The following GRXCR1 variants were observed in gnomAD, a reference collection of about 807,000 sequenced individuals.
The protein encoded by GRXCR1 is glutaredoxin domain-containing cysteine-rich protein 1.
GRXCR1 carries 27 observed loss-of-function variants against 27.3 expected under a neutral mutation model. That is an observed-to-expected ratio of 0.99 (90% confidence interval 0.73 to 1.37). GRXCR1 has a LOEUF of 1.37. GRXCR1 is among the 40% of genes most tolerant of loss of function. The probability of loss-of-function intolerance (pLI) is 0.00; values close to 1 mark genes in which losing one functional copy is unlikely to be tolerated. For synonymous variants in GRXCR1, 122 were observed against 131.1 expected (o/e 0.93, Z 0.47); for missense variants, 379 against 354.4 (o/e 1.07, Z -0.56).
chr4:42,952,753 G>C (rs1314046631), intron 1 of GRXCR1, among the ~76,000 whole-genome samples: 3 of 152,132 alleles, frequency 2.0e-5, no homozygotes, highest in Non-Finnish European at 4.4e-5. Flanking sequence ...CAAAGGAGCA[G>C]TTGATCAGCT....
chr4:42,963,665 G>A (rs1379004391), intron 2 of GRXCR1, among the ~76,000 whole-genome samples: 2 of 151,898 alleles, frequency 1.3e-5, no homozygotes, highest in Non-Finnish European at 2.9e-5. Context: ...CTTACGGTAA[G>A]CAGAGAGAAC....
intron 2 of GRXCR1, among the ~76,000 whole-genome samples, chr4:43,003,106 T>C (rs1395524814): frequency 6.6e-6 from 1 of 152,156 alleles, no homozygotes; most frequent in Non-Finnish European, 1.5e-5. Context: ...GATTGTAAGT[T>C]TTTTGAGGCC....
chr4:42,973,778 T>C (rs901349949), intron 2 of GRXCR1, among the ~76,000 whole-genome samples: 1 of 152,156 alleles, frequency 6.6e-6, no homozygotes, highest in Non-Finnish European at 1.5e-5. Flanking sequence ...GATGGATAGG[T>C]TATTTGATCC....
intron 2 of GRXCR1, among the ~76,000 whole-genome samples, chr4:43,001,539 T>C (rs893039259): frequency 3.3e-5 from 5 of 152,164 alleles, no homozygotes; most frequent in African/African-American, 7.2e-5. Context: ...ATGTTTTTAT[T>C]TGTACTCGTA....
rs78766145 is a variant in GRXCR1, at chr4:42,957,149, T to C, written c.385-5743T>C. On this transcript the variant is annotated intron_variant, in intron 1 of 3. Coordinates refer to ENST00000399770, the MANE Select transcript of GRXCR1 (RefSeq NM_001080476.3). ...CTCTACCTAATTTCTTTGTTAACTTTTATTCTCCCAACTTAACCTCAAATA... is the reference window on the plus strand; with the variant it reads ...CTCTACCTAATTTCTTTGTTAACTTCTATTCTCCCAACTTAACCTCAAATA... Among the ~76,000 whole-genome samples the C allele has an allele frequency of 7.2e-3, 1,090 of 152,218 alleles. 12 individuals carry two copies. Among genetic ancestry groups the C allele is most frequent in the African/African-American group, 0.024 (1,007 of 41,566 alleles).
chr4:42,938,423 T>G (rs533480824), intron 1 of GRXCR1, among the ~76,000 whole-genome samples: 3 of 152,096 alleles, frequency 2.0e-5, no homozygotes, highest in East Asian at 3.9e-4. Context: ...ATATACAGAT[T>G]TGCTTTCTTT....
chr4:42,959,790 G>A (rs1577921278), intron 1 of GRXCR1, among the ~76,000 whole-genome samples: 1 of 151,762 alleles, frequency 6.6e-6, no homozygotes, highest in East Asian at 1.9e-4. Flanking sequence ...CTAGAACTTG[G>A]CTCTACATTA....
At chr4:43,009,851 T>C (rs1361837881) in intron 2 of GRXCR1, among the ~76,000 whole-genome samples, 1 of 152,212 alleles carries the variant, frequency 6.6e-6, no homozygotes, top group Non-Finnish European at 1.5e-5. Context: ...TACATTTCTC[T>C]ATATATATTT....
intron 2 of GRXCR1, among the ~76,000 whole-genome samples, chr4:42,975,291 C>T (rs1748487555): frequency 6.6e-6 from 1 of 152,072 alleles, no homozygotes; most frequent in Non-Finnish European, 1.5e-5. Context: ...CTCTGTGCCT[C>T]ATGAAAGCAA....
chr4:42,927,024 A>G (rs1456601093), intron 1 of GRXCR1, among the ~76,000 whole-genome samples: 1 of 151,984 alleles, frequency 6.6e-6, no homozygotes, highest in Non-Finnish European at 1.5e-5. Flanking sequence ...CCATCACCCA[A>G]ATCATTATTA....
At chr4:42,894,816 C>T (rs987631086) in intron 1 of GRXCR1, among the ~76,000 whole-genome samples, 2 of 152,008 alleles carry the variant, frequency 1.3e-5, no homozygotes, top group South Asian at 2.1e-4. Flanking sequence ...GTTTCAGTTT[C>T]TAGAGATGTG....
chr4:42,955,461 C>A (rs1191931539), intron 1 of GRXCR1, among the ~76,000 whole-genome samples: 1 of 152,076 alleles, frequency 6.6e-6, no homozygotes, highest in Non-Finnish European at 1.5e-5. Flanking sequence ...ACGTGTGGTT[C>A]AGTGTTTCGT....
chr4:42,927,845 G>T (rs1032754886), intron 1 of GRXCR1, among the ~76,000 whole-genome samples: 7 of 151,868 alleles, frequency 4.6e-5, no homozygotes, highest in African/African-American at 1.7e-4. Context: ...CCCTAGACAA[G>T]AACTTGTGTG....
At chr4:42,949,567 C>T (rs1410790381) in intron 1 of GRXCR1, among the ~76,000 whole-genome samples, 2 of 152,142 alleles carry the variant, frequency 1.3e-5, no homozygotes, top group Admixed American at 6.6e-5. Flanking sequence ...TCACATACTT[C>T]TCTGTGCCCC....
chr4:42,912,490 T>A (rs570879183), intron 1 of GRXCR1, among the ~76,000 whole-genome samples: 126 of 152,316 alleles, frequency 8.3e-4, no homozygotes, highest in Non-Finnish European at 1.5e-3. Context: ...TCATTGCATG[T>A]AAACTAGCAC....
intron 1 of GRXCR1, among the ~76,000 whole-genome samples, chr4:42,909,344 A>G (rs529611187): frequency 2.6e-5 from 4 of 152,268 alleles, no homozygotes; most frequent in Middle Eastern, 6.8e-3. Context: ...GAAGACTACA[A>G]ATTAAGGCTC....
At chr4:42,915,250 A>G (rs910051370) in intron 1 of GRXCR1, among the ~76,000 whole-genome samples, 2 of 152,126 alleles carry the variant, frequency 1.3e-5, no homozygotes, top group Non-Finnish European at 2.9e-5. Context: ...GCTTGCCATC[A>G]TAGCAAAGAA....
At chr4:42,910,079 G>A (rs1746687194) in intron 1 of GRXCR1, among the ~76,000 whole-genome samples, 1 of 152,128 alleles carries the variant, frequency 6.6e-6, no homozygotes, top group Non-Finnish European at 1.5e-5. Context: ...GGAGAAGCAA[G>A]TACATCTTAC....
chr4:42,903,515 T>C (rs1274120081), intron 1 of GRXCR1, among the ~76,000 whole-genome samples: 1 of 146,814 alleles, frequency 6.8e-6, no homozygotes, highest in Non-Finnish European at 1.5e-5. Context: ...GGTTTAACCA[T>C]GTTAGCCAGG....
Sources: gnomAD v4.1 joint callset for allele counts (sites outside exome capture counted in the v4.1 genomes callset) on GRCh38, gnomAD v4.1.1 for gene constraint, MANE v1.5 for transcripts, NCBI Gene and HGNC (gene_info 2026-07-23, HGNC 2026-07-21) for gene names.